The following GXYLT1 variants were observed in gnomAD, a reference collection of about 807,000 sequenced individuals.
The protein encoded by GXYLT1 is glycosyltransferase 8 domain containing 3.
Under a neutral mutation model 54.0 loss-of-function variants are expected in GXYLT1, and 29 were observed. The ratio of observed to expected loss-of-function variants is 0.54; its 90% CI spans 0.40 to 0.73. The LOEUF (loss-of-function observed/expected upper bound fraction) is 0.73, where lower values mean the gene tolerates loss of function less well. Ranked by LOEUF, GXYLT1 falls within the 30% of genes least tolerant of loss-of-function variation. The probability of loss-of-function intolerance (pLI) is 0.00; values close to 1 mark genes in which losing one functional copy is unlikely to be tolerated. For synonymous variants in GXYLT1, 176 were observed against 204.1 expected, an observed-to-expected ratio of 0.86 and a Z score of 1.17; for missense variants, 490 against 553.4, an observed-to-expected ratio of 0.89 and a Z score of 1.15.
At position 42,118,948 on chromosome 12, in the gene GXYLT1, T is replaced by C; in HGVS notation, c.486+52A>G. 4.7e-6 allele frequency: 6 copies of C among 1,267,422 alleles called. 1 individual carries two copies. In the South Asian group the frequency reaches 8.3e-5, roughly 17 times the overall value. The allele number at this position is 1,267,422 out of a possible 1,614,324, so 78.5% of individuals were successfully genotyped here. ...CTATTACAACAACATTCTATTATAG[T>C]ATATTATTAAATATTCAACTCTACA... On this transcript the variant is annotated intron_variant, in intron 3 of 7. Coordinates refer to ENST00000398675, the MANE Select transcript of GXYLT1 (RefSeq NM_173601.2).
In GXYLT1 at chr12:42,125,778, G is replaced by T. The variant is rs1181693902; in HGVS notation, c.314+3981C>A. Among the ~76,000 whole-genome samples the T allele has an allele frequency of 2.0e-5, 3 of 152,192 alleles. No individual in the cohort carries two copies. In the East Asian group the frequency reaches 5.8e-4, roughly 29 times the overall value. ...GCCTGTAATCCCAGCACTTTGGGAA[G>T]CCAAGGCAGCAGGATCACTTGAGCT... On this transcript the variant is annotated intron_variant, in intron 2 of 7. Transcript: ENST00000398675.
intron 3 of GXYLT1, among the ~76,000 whole-genome samples, chr12:42,114,870 A>T (rs1470573862): frequency 6.6e-5 from 10 of 151,818 alleles, no homozygotes. Flanking sequence ...ACATCGATGC[A>T]AAAATCCTCA....
chr12:42,098,029 T>C lies in GXYLT1; in HGVS notation c.869A>G (p.Asp290Gly), dbSNP rs758288846. 1.9e-6 allele frequency: 3 copies of C among 1,607,728 alleles called. No individual in the cohort carries two copies. The highest frequency in any genetic ancestry group is 1.1e-5 in the South Asian group (1 of 89,420). ...CCATTGTAGTCGTACAGTTGTCATATCATTCTGTTGATAAAAACATTCAAA... is the reference window on the plus strand; with the variant it reads ...CCATTGTAGTCGTACAGTTGTCATACCATTCTGTTGATAAAAACATTCAAA... ...TRMRRKYFKN[D>G]MTTVRLQWGD... Residue 290 changes from aspartate (D) to glycine (G), a missense_variant, in exon 6 of 8, where the codon GAT (aspartate) becomes GGT (glycine). By Grantham distance (94) the Asp-to-Gly change is moderately conservative. Around this residue, in one of 2 missense-constraint regions of GXYLT1, gnomAD observed 342 missense variants for 342.6 expected, o/e 1.00. Transcript: ENST00000398675.
chr12:42,133,457 C>T (rs2065603784), intron 1 of GXYLT1, among the ~76,000 whole-genome samples: 2 of 152,130 alleles, frequency 1.3e-5, no homozygotes, highest in Admixed American at 6.5e-5. Flanking sequence ...CTGATCTTCA[C>T]GTTGTAAGAA....
rs142900229 is a variant in GXYLT1 at position 42,142,367 on chromosome 12, T to G, written c.221+2059A>C. Reference sequence around the variant, plus strand: ...TTTTTTTTTTTTTGAGACAGGATCTTGCTCTGTCACCCAGGTTGGATTACA... The same window carrying G: ...TTTTTTTTTTTTTGAGACAGGATCTGGCTCTGTCACCCAGGTTGGATTACA... On this transcript the variant is annotated intron_variant, in intron 1 of 7. Coordinates refer to ENST00000398675, the MANE Select transcript of GXYLT1 (RefSeq NM_173601.2). Among the ~76,000 whole-genome samples, 113 of 151,994 alleles carry G rather than the reference T, an allele frequency of 7.4e-4. 1 individual carries two copies. Among genetic ancestry groups the G allele is most frequent in the Middle Eastern group, 6.8e-3 (2 of 294 alleles).
chr12:42,108,255 G>C lies in GXYLT1; in HGVS notation c.612+1311C>G, dbSNP rs149994446. On this transcript the variant is annotated intron_variant, in intron 4 of 7. Transcript: ENST00000398675. ...TGTTAACAAAGTGCCATGGTGCCAA[G>C]TGTTAATAAAGTACCATAACAAAAT... Among the ~76,000 whole-genome samples, 298 of 152,282 alleles carry C rather than the reference G, an allele frequency of 2.0e-3. 1 individual carries two copies. The highest frequency in any genetic ancestry group is 5.9e-3 in the African/African-American group (247 of 41,566).
Position 42,083,071 on chromosome 12 carries a change from T to C in GXYLT1, c.*4715A>G, listed in dbSNP as rs1451898622. 1 of 152,232 alleles carries C rather than the reference T, an allele frequency of 6.6e-6. No homozygotes were observed. The highest frequency in any genetic ancestry group is 1.5e-5 in the Non-Finnish European group (1 of 68,030). The allele number at this position is 152,232 out of a possible 1,614,324, so 9.4% of individuals were successfully genotyped here. ...AAATGAGGTGATAATAAATATTTTC[T>C]ATTTAAGTCTGACATTGATTTGCAA... On this transcript the variant is annotated 3_prime_UTR_variant, in exon 8 of 8. Transcript: ENST00000398675.
chr12:42,119,345 G>A (rs1042955154), intron 2 of GXYLT1, among the ~76,000 whole-genome samples, 174 bp from the exon 3 acceptor site: 1 of 152,024 alleles, frequency 6.6e-6, no homozygotes, highest in African/African-American at 2.4e-5. Flanking sequence ...GTTCAATGCT[G>A]CAGTAAGCTA....
intron 1 of GXYLT1, among the ~76,000 whole-genome samples, chr12:42,133,369 C>T (rs763147637): frequency 1.3e-5 from 2 of 152,148 alleles, no homozygotes; most frequent in Admixed American, 6.5e-5. Flanking sequence ...AAATAGAATA[C>T]TGAATATAAT....
chr12:42,108,552 T>C (rs999356086), intron 4 of GXYLT1, among the ~76,000 whole-genome samples: 2 of 152,108 alleles, frequency 1.3e-5, no homozygotes, highest in African/African-American at 4.8e-5. Flanking sequence ...ACGTGAAGTA[T>C]CTAAAACTTT....
chr12:42,114,440 A>C (rs1289590006), intron 3 of GXYLT1, among the ~76,000 whole-genome samples: 1 of 152,218 alleles, frequency 6.6e-6, no homozygotes, highest in Non-Finnish European at 1.5e-5. Flanking sequence ...AAACATGATA[A>C]AGGGGATATC....
intron 1 of GXYLT1, among the ~76,000 whole-genome samples, chr12:42,137,705 C>T (rs186583781): frequency 5.0e-5 from 7 of 140,844 alleles, no homozygotes; most frequent in African/African-American, 1.9e-4. Flanking sequence ...TGCCTTGAGC[C>T]GAGATCATGC....
intron 2 of GXYLT1, among the ~76,000 whole-genome samples, chr12:42,120,430 G>A (rs944582009): frequency 6.6e-6 from 1 of 152,228 alleles, no homozygotes; most frequent in Admixed American, 6.5e-5. Flanking sequence ...ACACAGTGCA[G>A]CAGTGGATAC....
At chr12:42,116,463 C>T (rs140101967) in intron 3 of GXYLT1, among the ~76,000 whole-genome samples, 32 of 152,096 alleles carry the variant, frequency 2.1e-4, no homozygotes, top group African/African-American at 6.8e-4. Context: ...AACAAGTGGG[C>T]GAAGGATATC....
intron 4 of GXYLT1, among the ~76,000 whole-genome samples, 199 bp downstream of exon 4, chr12:42,109,367 T>G (rs2065438522): frequency 6.6e-6 from 1 of 152,174 alleles, no homozygotes; most frequent in Non-Finnish European, 1.5e-5. Context: ...TTTTCATTCT[T>G]AACAGGGGTT....
intron 2 of GXYLT1, among the ~76,000 whole-genome samples, chr12:42,121,991 C>G (rs1411037092): frequency 1.3e-5 from 2 of 152,132 alleles, no homozygotes; most frequent in African/African-American, 4.8e-5. Flanking sequence ...CTAAAACCTT[C>G]TAAGCAGTTA....
intron 3 of GXYLT1, among the ~76,000 whole-genome samples, chr12:42,110,458 A>T (rs2065446626): frequency 6.6e-6 from 1 of 152,228 alleles, no homozygotes; most frequent in Non-Finnish European, 1.5e-5. Flanking sequence ...ATAGTGTTTA[A>T]GTCATTTCTA....
At chr12:42,114,050 A>G (rs2065476613) in intron 3 of GXYLT1, among the ~76,000 whole-genome samples, 1 of 152,284 alleles carries the variant, frequency 6.6e-6, no homozygotes, top group Non-Finnish European at 1.5e-5. Context: ...AATGAAATGA[A>G]GGCAGAAATA....
At position 42,097,929 on chromosome 12, in the gene GXYLT1, G is replaced by A. The variant is rs368708919; in HGVS notation, c.969C>T (p.Ile323=). Residue 323 remains isoleucine, a synonymous_variant, in exon 6 of 8, where the codon ATC becomes ATT. Transcript: ENST00000398675. Reference sequence around the variant, plus strand: ...AATTACCTGGATTATGAAAAAACACGATATTCAATAGATCTTGATCACCCC... The same window carrying A: ...AATTACCTGGATTATGAAAAAACACAATATTCAATAGATCTTGATCACCCC... ...ITWGDQDLLN[I]VFFHNPESLF... The A allele has an allele frequency of 3.0e-5, 48 of 1,589,362 alleles. No individual in the cohort carries two copies. Among genetic ancestry groups the A allele is most frequent in the African/African-American group, 1.9e-4 (14 of 73,960 alleles).
Sources: allele counts gnomAD v4.1 joint callset (sites outside exome capture counted in the v4.1 genomes callset), GRCh38; gene constraint gnomAD v4.1.1; regional missense constraint gnomAD v4.1.1; transcripts MANE v1.5; gene names NCBI Gene and HGNC (gene_info 2026-07-23, HGNC 2026-07-21).